The following NLRP13 variants were observed in gnomAD, a reference collection of about 807,000 sequenced individuals.
NLRP13 encodes the protein NLR family pyrin domain containing 13.
NLRP13 carries 82 observed loss-of-function variants against 94.4 expected under a neutral mutation model. That is an observed-to-expected ratio of 0.87 (90% CI 0.73 to 1.04). The LOEUF (loss-of-function observed/expected upper bound fraction) is 1.04. Among genes scored for constraint, NLRP13 ranks in the 50% least tolerant of loss-of-function variants. The pLI is 0.00. For missense variants in NLRP13, 1,426 were observed against 1,230.8 expected, an observed-to-expected ratio of 1.16 and a Z score of -2.37; for synonymous variants, 553 against 464.7, an observed-to-expected ratio of 1.19 and a Z score of -2.45.
intron 1 of NLRP13, among the ~76,000 whole-genome samples, chr19:55,929,105 G>A (rs140811517): frequency 2.6e-3 from 390 of 152,284 alleles, no homozygotes; most frequent in African/African-American, 8.9e-3. Flanking sequence ...TTAGGATGGC[G>A]ATCATTGAAA....
rs779272207 is a variant in NLRP13, at chr19:55,904,988, A to G, written c.2572T>C (p.Leu858=). 4 of 1,614,090 alleles carry G rather than the reference A, an allele frequency of 2.5e-6. No individual in the cohort carries two copies. The highest frequency in any genetic ancestry group is 1.6e-4 in the Middle Eastern group (1 of 6,062). The change falls in exon 8 of 11, where the codon TTG becomes CTG. Residue 858 remains leucine (L), a synonymous_variant. Transcript: ENST00000342929. The part of the protein sequence containing the change: ...NRLQDDGIKL[L]CAALTHPKCA... ...TTGGGGTGAGTCAGGGCCGCACACA[A>G]TAGCTTTATGCCATCATCTTGGAGC...
rs777444244 is a variant in NLRP13, at chr19:55,913,164, A to G, written c.653T>C (p.Leu218Pro). 65 of 1,614,114 alleles carry G rather than the reference A, an allele frequency of 4.0e-5. No individual in the cohort carries two copies. Among genetic ancestry groups the G allele is most frequent in the Non-Finnish European group, 5.4e-5 (64 of 1,180,016 alleles). The change falls in exon 5 of 11, where the codon CTA (leucine) becomes CCA (proline). Residue 218 changes from leucine (L) to proline (P), a missense_variant. Coordinates refer to ENST00000342929, the MANE Select transcript of NLRP13 (RefSeq NM_176810.2). ...SKDEHEELQR[L>P]LDPNRTRAQA... ...GGCTCTAGTCCTATTAGGATCCAGT[A>G]GGCGCTGCAGTTCCTCATGTTCGTC...
At chr19:55,931,929 C>T (rs75624845) in intron 1 of NLRP13, 64 bp downstream of exon 1, 65 of 1,471,278 alleles carry the variant, frequency 4.4e-5, no homozygotes, top group Non-Finnish European at 5.8e-5. Context: ...AAAAACCCAG[C>T]GGCTACCTCC....
intron 4 of NLRP13, among the ~76,000 whole-genome samples, chr19:55,917,307 C>CA (rs773865753): frequency 6.6e-6 from 1 of 151,678 alleles, no homozygotes; most frequent in Non-Finnish European, 1.5e-5. Flanking sequence ...AGCAATTACA[C>CA]AAAGGAGAAA....
chr19:55,903,639 C>G (rs1197715618), intron 8 of NLRP13, among the ~76,000 whole-genome samples: 1 of 152,132 alleles, frequency 6.6e-6, no homozygotes, highest in Non-Finnish European at 1.5e-5. Flanking sequence ...CCAGACCCTG[C>G]TCTGCCCCCA....
At chr19:55,915,564 C>G (rs1180650747) in intron 4 of NLRP13, among the ~76,000 whole-genome samples, 1 of 152,196 alleles carries the variant, frequency 6.6e-6, no homozygotes, top group Non-Finnish European at 1.5e-5. Flanking sequence ...CACCACTGTA[C>G]TCCAGCCTGG....
chr19:55,911,735 G>A lies in NLRP13; in HGVS notation c.2082C>T (p.His694=), dbSNP rs145058932. Residue 694 remains histidine, a synonymous_variant, in exon 5 of 11, where the codon CAC becomes CAT. Transcript: ENST00000342929. ...LNKLRLSVSS[H]ILERDLEILE... The stretch of plus-strand genomic sequence containing the variant: ...GAATTTCCAAGTCCCTTTCAAGGAT[G>A]TGACTGCTAACAGAAAGCCTTAGCT... The A allele has an allele frequency of 2.3e-5, 37 of 1,608,932 alleles. No homozygotes were observed. Among genetic ancestry groups the A allele is most frequent in the Non-Finnish European group, 3.0e-5 (35 of 1,177,580 alleles).
At position 55,901,189 on chromosome 19, in the gene NLRP13, A is replaced by G. The variant is rs1202079296; in HGVS notation, c.2789+846T>C. On this transcript the variant is annotated intron_variant, in intron 9 of 10. Coordinates refer to ENST00000342929, the MANE Select transcript of NLRP13 (RefSeq NM_176810.2). ...CGAGCACTCAGACAAAAGATTTCTC[A>G]GCAAAGCAAATTTACCTCTGCACAG... Among the ~76,000 whole-genome samples the G allele has an allele frequency of 1.3e-4, 20 of 152,236 alleles. 1 individual carries two copies. Among genetic ancestry groups the G allele is most frequent in the Admixed American group, 1.3e-3 (20 of 15,292 alleles).
intron 1 of NLRP13, among the ~76,000 whole-genome samples, chr19:55,926,337 T>C (rs796581385): frequency 2.0e-5 from 3 of 152,152 alleles, no homozygotes; most frequent in African/African-American, 7.2e-5. Context: ...AAAACAAAGG[T>C]TAAAAATTAG....
chr19:55,893,056 A>T (rs531286286), downstream of NLRP13, among the ~76,000 whole-genome samples: 1 of 152,318 alleles, frequency 6.6e-6, no homozygotes, highest in Admixed American at 6.5e-5. Flanking sequence ...ATAAAGCATA[A>T]TAAAGGTTTA....
intron 6 of NLRP13, 120 bp downstream of exon 6, chr19:55,910,443 T>G: frequency 1.1e-6 from 1 of 950,788 alleles, no homozygotes; most frequent in Non-Finnish European, 1.5e-6. Context: ...GCACAGTTTA[T>G]TTTATCCTCC....
At position 55,913,101 on chromosome 19, in the gene NLRP13, A is replaced by C. The variant is rs150114825; in HGVS notation, c.716T>G (p.Val239Gly). ...CTGCATTGCCAAGGTGGTCTTCCCA[A>C]CCCCTGCCCTCCCCACCAAGACTAT... ...QTIVLVGRAG[V>G]GKTTLAMQAM... The change falls in exon 5 of 11, where the codon GTT (valine) becomes GGT (glycine). Residue 239 changes from valine to glycine, a missense_variant. Physicochemically the swap from Val to Gly is moderately radical, Grantham distance 109 (BLOSUM62 -3). Transcript: ENST00000342929. 1 of 1,614,044 alleles carries C rather than the reference A, an allele frequency of 6.2e-7. No individual in the cohort carries two copies. The highest frequency in any genetic ancestry group is 1.1e-5 in the South Asian group (1 of 91,078).
At position 55,906,251 on chromosome 19, in the gene NLRP13, T is replaced by C. The variant is rs150353444; in HGVS notation, c.2448-1139A>G. Among the ~76,000 whole-genome samples the C allele has an allele frequency of 2.2e-3, 318 of 142,140 alleles. 2 individuals are homozygous for C. Among genetic ancestry groups the C allele is most frequent in the African/African-American group, 7.8e-3 (300 of 38,494 alleles). The allele number at this position is 142,140 out of a possible 152,430, so 93.2% of individuals were successfully genotyped here. On this transcript the variant is annotated intron_variant, in intron 7 of 10. Coordinates refer to ENST00000342929, the MANE Select transcript of NLRP13 (RefSeq NM_176810.2). ...TATTCTGGAGGCTGAGGCAGGAGAA[T>C]TGCTTGAACCCAGGAGGTGGAGGTT...
chr19:55,922,978 C>G (rs1018214007), intron 4 of NLRP13, among the ~76,000 whole-genome samples: 1 of 152,190 alleles, frequency 6.6e-6, no homozygotes, highest in Non-Finnish European at 1.5e-5. Context: ...AGGATTGATG[C>G]TTTGCATTAC....
At position 55,912,160 on chromosome 19, in the gene NLRP13, G is replaced by C; in HGVS notation, c.1657C>G (p.Pro553Ala). The change falls in exon 5 of 11, where the codon CCT becomes GCT. Residue 553 changes from proline to alanine, a missense_variant. Transcript: ENST00000342929. ...GTGGAATGGGGAGGGAATTCTCTAGGTTCCTCTAGCACAAAGGACATGGCT... is the reference window on the plus strand; with the variant it reads ...GTGGAATGGGGAGGGAATTCTCTAGCTTCCTCTAGCACAAAGGACATGGCT... ...FAAMSFVLEE[P>A]REFPPHSTKP... 6.2e-7 allele frequency: 1 copy of C among 1,614,152 alleles called. No homozygotes were observed. Among genetic ancestry groups the C allele is most frequent in the Non-Finnish European group, 8.5e-7 (1 of 1,180,016 alleles).
intron 6 of NLRP13, 58 bp downstream of exon 6, chr19:55,910,505 G>C (rs971878948): frequency 9.0e-6 from 13 of 1,439,516 alleles, no homozygotes; most frequent in Non-Finnish European, 1.2e-5. Context: ...CATCAAAAGA[G>C]AGAAGTTGGG....
Position 55,926,778 on chromosome 19 carries a change from T to C in NLRP13, c.320-1743A>G, listed in dbSNP as rs1441727934. On this transcript the variant is annotated intron_variant, in intron 1 of 10. Transcript: ENST00000342929. ...CCCAAAAAAATGCTTTACTGGGAAA[T>C]GATTCCTACATAATTTAAAATGCAA... is the stretch of plus-strand genomic sequence containing the variant. Among the ~76,000 whole-genome samples, 3 of 152,140 alleles carry C rather than the reference T, an allele frequency of 2.0e-5. No homozygotes were observed. The East Asian group carries it at 5.8e-4, about 29-fold the overall frequency.
Position 55,932,006 on chromosome 19 carries a change from T to C in NLRP13, c.306A>G (p.Arg102=). The stretch of plus-strand genomic sequence containing the variant: ...GAGGACTCTCACCTTTCATCTCGGC[T>C]CTAACTTTCTCACACAGTGAGGTCA... ...MNLTSLCEKV[R]AEMKENVQTQ... is the part of the protein sequence containing the mutation. Residue 102 remains arginine (R), a synonymous_variant, in exon 1 of 11, where the codon AGA becomes AGG. Transcript: ENST00000342929. The C allele has an allele frequency of 1.2e-6, 2 of 1,613,500 alleles. No individual in the cohort carries two copies. The highest frequency in any genetic ancestry group is 1.7e-6 in the Non-Finnish European group (2 of 1,180,020).
intron 9 of NLRP13, among the ~76,000 whole-genome samples, chr19:55,901,290 A>T (rs1359877964): frequency 6.6e-6 from 1 of 152,238 alleles, no homozygotes; most frequent in Non-Finnish European, 1.5e-5. Context: ...TCCCTGATGC[A>T]AATCCTGACC....
Sources: gnomAD v4.1 joint callset for allele counts (sites outside exome capture counted in the v4.1 genomes callset) on GRCh38, gnomAD v4.1.1 for gene constraint, MANE v1.5 for transcripts, NCBI Gene and HGNC (gene_info 2026-07-23, HGNC 2026-07-21) for gene names.